UGCG: variants seen among roughly 807,000 people sequenced by gnomAD.
UGCG encodes the protein ceramide glucosyltransferase.
In UGCG, 10 loss-of-function variants were observed where a neutral mutation model predicts 49.5. The ratio of observed to expected loss-of-function variants is 0.20; its 90% CI spans 0.12 to 0.34. The LOEUF (loss-of-function observed/expected upper bound fraction) is 0.34, where lower values mean the gene tolerates loss of function less well. Ranked by LOEUF, UGCG falls within the 10% of genes least tolerant of loss-of-function variation. UGCG has a pLI of 1.00. For synonymous variants in UGCG, 182 were observed against 158.2 expected (o/e 1.15, Z -1.13); for missense variants, 312 against 483.7 (o/e 0.65, Z 3.33).
At chr9:111,904,308 A>C (rs531437256) in intron 1 of UGCG, among the ~76,000 whole-genome samples, 1 of 152,138 alleles carries the variant, frequency 6.6e-6, no homozygotes, top group Non-Finnish European at 1.5e-5. Context: ...ACTACTACAC[A>C]TTGGTAGTCT....
At chr9:111,902,080 GTCTTTAC>G (rs1564196895) in intron 1 of UGCG, among the ~76,000 whole-genome samples, 1 of 152,186 alleles carries the variant, frequency 6.6e-6, no homozygotes, top group East Asian at 1.9e-4. Flanking sequence ...CTTTGGAATT[GTCTTTAC>G]TTTCTTTCTT....
intron 1 of UGCG, among the ~76,000 whole-genome samples, chr9:111,900,556 G>A (rs577880713): frequency 1.3e-5 from 2 of 152,064 alleles, no homozygotes; most frequent in African/African-American, 4.8e-5. Flanking sequence ...GCAATGGCAC[G>A]ATCTTGGCTG....
rs189987017 is a variant in UGCG at position 111,918,748 on chromosome 9, C to T, written c.240+4002C>T. 4.3e-3 allele frequency among the ~76,000 whole-genome samples: 654 copies of T among 151,950 alleles called. 7 individuals carry two copies. The highest frequency in any genetic ancestry group is 0.038 in the East Asian group (195 of 5,158). On this transcript the variant is annotated intron_variant, in intron 2 of 8. Transcript: ENST00000374279. The stretch of plus-strand genomic sequence containing the variant: ...GGAGATCGAGACCACGGTGAAACCC[C>T]GTCTCTACTAAAAATACAAAAAAAA...
chr9:111,929,602 G>T lies in UGCG; in HGVS notation c.661G>T (p.Asp221Tyr). Residue 221 changes from aspartate (D) to tyrosine (Y), a missense_variant, in exon 6 of 9, where the codon GAT becomes TAT. Transcript: ENST00000374279. ...MSCLMRKDVL[D>Y]QAGGLIAFAQ... is the part of the protein sequence containing the mutation. ...TTGTTTAATGAGAAAAGATGTGTTG[G>T]ATCAAGCAGGAGGACTTATAGCTTT... The T allele has an allele frequency of 1.2e-6, 2 of 1,614,028 alleles. No individual in the cohort carries two copies. The highest frequency in any genetic ancestry group is 1.7e-6 in the Non-Finnish European group (2 of 1,179,990).
chr9:111,934,142 T>G lies in UGCG; in HGVS notation c.*1145T>G. ...CTACTGTGTGTGTTTTTTTTTTTTG[T>G]TTTTTGTTTTTGTTTGTTTACTATT... On this transcript the variant is annotated 3_prime_UTR_variant, in exon 9 of 9. Coordinates refer to ENST00000374279, the MANE Select transcript of UGCG (RefSeq NM_003358.3). 6.9e-6 allele frequency: 1 copy of G among 145,740 alleles called. No homozygotes were observed. Among genetic ancestry groups the G allele is most frequent in the East Asian group, 1.9e-4 (1 of 5,132 alleles). The allele number at this position is 145,740 out of a possible 1,614,324, so 9.0% of individuals were successfully genotyped here.
intron 2 of UGCG, among the ~76,000 whole-genome samples, chr9:111,916,490 G>C (rs1001620642): frequency 5.9e-5 from 9 of 152,202 alleles, no homozygotes; most frequent in African/African-American, 2.2e-4. Context: ...TTGTTTTTAA[G>C]ACAGTATCTT....
chr9:111,930,890 C>T (rs559544766), intron 6 of UGCG, among the ~76,000 whole-genome samples: 308 of 152,300 alleles, frequency 2.0e-3, no homozygotes, highest in African/African-American at 7.2e-3. Flanking sequence ...TTCATGGTTT[C>T]CTAGTGTCTC....
rs1171875999 is a variant in UGCG at position 111,933,967 on chromosome 9, CTTATTG to C, written c.*974_*979del. The C allele has an allele frequency of 1.3e-5, 2 of 152,064 alleles. No individual in the cohort carries two copies. Among genetic ancestry groups the C allele is most frequent in the Non-Finnish European group, 2.9e-5 (2 of 68,020 alleles). 9.4% of individuals were successfully genotyped at this position (152,064 alleles called of 1,614,324 possible). The stretch of plus-strand genomic sequence containing the variant: ...TGAGCTATTTTCTTACACAGTATGT[CTTATTG>C]TTAATAAGAATGTAATTTCATGATA... On this transcript the variant is annotated 3_prime_UTR_variant, in exon 9 of 9. Transcript: ENST00000374279.
chr9:111,903,391 C>T (rs1051910953), intron 1 of UGCG, among the ~76,000 whole-genome samples: 1 of 151,988 alleles, frequency 6.6e-6, no homozygotes, highest in Non-Finnish European at 1.5e-5. Flanking sequence ...GTGGCAAAAC[C>T]CCATCTCTAC....
chr9:111,921,801 G>GCTTTTTT (rs1564203243), intron 2 of UGCG, among the ~76,000 whole-genome samples: 1 of 48,064 alleles, frequency 2.1e-5, no homozygotes, highest in African/African-American at 9.2e-5. Context: ...GCCCCAGGGT[G>GCTTTTTT]ATTTTTTTTT....
intron 5 of UGCG, among the ~76,000 whole-genome samples, chr9:111,927,313 T>C (rs1338229623): frequency 6.6e-6 from 1 of 152,202 alleles, no homozygotes; most frequent in African/African-American, 2.4e-5. Context: ...ATGTTTTCAT[T>C]TTATTTTTTC....
At chr9:111,908,851 G>A (rs1432991249) in intron 1 of UGCG, among the ~76,000 whole-genome samples, 7 of 152,192 alleles carry the variant, frequency 4.6e-5, no homozygotes, top group Non-Finnish European at 7.3e-5. Context: ...GACCCTGTCC[G>A]AGCCACTTAT....
intron 1 of UGCG, among the ~76,000 whole-genome samples, chr9:111,906,405 C>G (rs1171598767): frequency 6.6e-6 from 1 of 151,784 alleles, no homozygotes; most frequent in Non-Finnish European, 1.5e-5. Context: ...GCTTCCTTCG[C>G]TTGTTTCTTT....
chr9:111,913,491 C>T (rs1355994707), intron 1 of UGCG, among the ~76,000 whole-genome samples: 3 of 151,902 alleles, frequency 2.0e-5, no homozygotes, highest in East Asian at 1.9e-4. Flanking sequence ...TGGAGTGCAG[C>T]GGCACAATCT....
intron 1 of UGCG, among the ~76,000 whole-genome samples, chr9:111,914,078 C>G (rs1214145283): frequency 2.0e-5 from 3 of 152,146 alleles, no homozygotes. Flanking sequence ...TCATAATTTT[C>G]TGCTGCAGAC....
At chr9:111,929,324 G>T in intron 5 of UGCG, 176 bp from the exon 6 acceptor site, 1 of 538,562 alleles carries the variant, frequency 1.9e-6, no homozygotes, top group Non-Finnish European at 3.0e-6. Flanking sequence ...CTTACTAACT[G>T]TGCTTGCTCT....
intron 3 of UGCG, among the ~76,000 whole-genome samples, chr9:111,923,683 A>G (rs763243612): frequency 1.9e-4 from 29 of 151,528 alleles, no homozygotes; most frequent in Non-Finnish European, 3.2e-4. Context: ...CCCGGGCTGG[A>G]GTGCAATGGC....
At chr9:111,905,255 A>G (rs1021219904) in intron 1 of UGCG, among the ~76,000 whole-genome samples, 1 of 152,170 alleles carries the variant, frequency 6.6e-6, no homozygotes, top group Non-Finnish European at 1.5e-5. Context: ...AAAAGTGCTC[A>G]GAGATAGCAG....
intron 1 of UGCG, among the ~76,000 whole-genome samples, chr9:111,910,510 C>T (rs892193156): frequency 6.6e-5 from 10 of 152,122 alleles, no homozygotes; most frequent in South Asian, 2.1e-4. Context: ...CCAATTCTTT[C>T]GTAAATTGTG....
Sources: allele counts gnomAD v4.1 joint callset (sites outside exome capture counted in the v4.1 genomes callset), GRCh38; gene constraint gnomAD v4.1.1; transcripts MANE v1.5; gene names NCBI Gene and HGNC (gene_info 2026-07-23, HGNC 2026-07-21).